PRCP: variants seen among roughly 807,000 people sequenced by gnomAD.
PRCP encodes prolylcarboxypeptidase, also known as lysosomal Pro-X carboxypeptidase.
A neutral mutation model predicts 54.2 loss-of-function variants in PRCP; 46 were observed. That is an observed-to-expected ratio of 0.85 (90% CI 0.67 to 1.09). PRCP has a LOEUF of 1.09. Among genes scored for constraint, PRCP ranks in the 50% least tolerant of loss-of-function variants. The pLI is 0.00. For missense variants in PRCP, 613 were observed against 596.8 expected (o/e 1.03, Z -0.28); for synonymous variants, 240 against 212.2 (o/e 1.13, Z -1.14).
At chr11:82,847,950 T>A (rs1241998346) in intron 6 of PRCP, among the ~76,000 whole-genome samples, 1 of 152,226 alleles carries the variant, frequency 6.6e-6, no homozygotes, top group African/African-American at 2.4e-5. Flanking sequence ...CAACTTTGTA[T>A]TGTTGAAATT....
chr11:82,875,822 G>A (rs111504788), intron 1 of PRCP, among the ~76,000 whole-genome samples: 2,096 of 152,264 alleles, frequency 0.014, 46 homozygotes, highest in African/African-American at 0.047. Context: ...AAGAGAAGCT[G>A]ATAATGTCTG....
In PRCP at chr11:82,894,061, T is replaced by G. The variant is rs966868718; in HGVS notation, c.168+6174A>C. 9.9e-5 allele frequency among the ~76,000 whole-genome samples: 15 copies of G among 152,268 alleles called. No individual in the cohort carries two copies. In the South Asian group the frequency reaches 1.5e-3, roughly 15 times the overall value. ...GTCAATTTTTTCAATTCATAATATC[T>G]TTATTAAGAAGTACCATATCCTGTC... On this transcript the variant is annotated intron_variant, in intron 1 of 8. Transcript: ENST00000313010.
In PRCP at chr11:82,853,169, A is replaced by G. The variant is rs1378638297; in HGVS notation, c.411+8T>C. ...AGCTTGTAACTTTTAAGTAAAAAGTATCTTTACCTTGAATGAGTTGTCACC... is the reference window on the plus strand; with the variant it reads ...AGCTTGTAACTTTTAAGTAAAAAGTGTCTTTACCTTGAATGAGTTGTCACC... On this transcript the variant is annotated splice_region_variant and intron_variant, in intron 3 of 8. Coordinates refer to ENST00000313010, the MANE Select transcript of PRCP (RefSeq NM_005040.4). 4.5e-6 allele frequency: 7 copies of G among 1,571,328 alleles called. No individual in the cohort carries two copies. In the African/African-American group the frequency reaches 5.5e-5, roughly 12 times the overall value.
chr11:82,836,276 G>A (rs2121085723), intron 8 of PRCP: 1 of 152,754 alleles, frequency 6.5e-6, no homozygotes, highest in East Asian at 1.9e-4. Flanking sequence ...TCAGCAATCA[G>A]ATAGGCCCTG....
chr11:82,825,196 C>A (rs1158733378), intron 8 of PRCP, 74 bp from the exon 9 acceptor site: 6 of 1,352,532 alleles, frequency 4.4e-6, no homozygotes, highest in Non-Finnish European at 6.1e-6. Context: ...CTAGAAGAAA[C>A]CTATTACATG....
chr11:82,831,401 A>G (rs1366509481), intron 8 of PRCP: 1 of 152,236 alleles, frequency 6.6e-6, no homozygotes, highest in Admixed American at 6.5e-5. Flanking sequence ...CTCCACAGTC[A>G]ACAAAACAGA....
At chr11:82,900,521 G>A (rs925921517), upstream of PRCP, 102 of 1,382,428 alleles carry the variant, frequency 7.4e-5, no homozygotes, top group Non-Finnish European at 1.0e-4. Context: ...CCTCCCAGGG[G>A]AAACCCAAAG....
intron 1 of PRCP, among the ~76,000 whole-genome samples, chr11:82,882,723 C>T (rs192918981): frequency 0.13 from 19,725 of 148,044 alleles, 1,521 homozygotes; most frequent in Middle Eastern, 0.19. Context: ...TCTCGATCTC[C>T]TGACCTCGTG....
At chr11:82,835,769 G>T (rs1431722941) in intron 8 of PRCP, 12 of 430,624 alleles carry the variant, frequency 2.8e-5, no homozygotes, top group Non-Finnish European at 5.5e-5. Flanking sequence ...TGATAAAGCT[G>T]AAGAAGTTGT....
chr11:82,870,602 TAA>T (rs1458245012), intron 1 of PRCP, among the ~76,000 whole-genome samples: 3 of 152,178 alleles, frequency 2.0e-5, no homozygotes, highest in African/African-American at 7.2e-5. Flanking sequence ...AGTAATCTAT[TAA>T]AAGAGATAGT....
intron 8 of PRCP, among the ~76,000 whole-genome samples, chr11:82,837,427 C>T (rs1858554543): frequency 6.6e-6 from 1 of 152,188 alleles, no homozygotes; most frequent in African/African-American, 2.4e-5. Flanking sequence ...TAACAACTGT[C>T]AGAGAAATGC....
At chr11:82,844,563 C>G (rs764094081) in intron 6 of PRCP, among the ~76,000 whole-genome samples, 12 of 151,608 alleles carry the variant, frequency 7.9e-5, no homozygotes, top group Non-Finnish European at 1.5e-4. Context: ...ATGGTGAAAC[C>G]CCGTCTCTAC....
intron 8 of PRCP, among the ~76,000 whole-genome samples, chr11:82,834,026 C>A (rs1384616580): frequency 1.3e-5 from 2 of 152,058 alleles, no homozygotes; most frequent in African/African-American, 4.8e-5. Flanking sequence ...CATAAAAAAG[C>A]AAATGGATAA....
Position 82,900,350 on chromosome 11 carries a change from G to T in PRCP, c.53C>A (p.Ala18Asp). ...LLLLSFLAPW[A>D]TIALRPALRA... ...TAAGGCCGGCCGGAGGGCTATGGTG[G>T]CCCAGGGCGCCAGAAAAGACAGAAG... The change falls in exon 1 of 9, where the codon GCC (alanine) becomes GAC (aspartate). Residue 18 changes from alanine to aspartate, a missense_variant. Coordinates refer to ENST00000313010, the MANE Select transcript of PRCP (RefSeq NM_005040.4). 6.2e-7 allele frequency: 1 copy of T among 1,614,104 alleles called. No individual in the cohort carries two copies. The highest frequency in any genetic ancestry group is 2.2e-5 in the East Asian group (1 of 44,896).
rs552145087 is a variant in PRCP, at chr11:82,849,530, T to G, written c.752-312A>C. Reference sequence around the variant, plus strand: ...ACAAATGGATGTATCTATCAAACAGTGCTAAGCAAAAGACAGTAGACACAA... The same window carrying G: ...ACAAATGGATGTATCTATCAAACAGGGCTAAGCAAAAGACAGTAGACACAA... On this transcript the variant is annotated intron_variant, in intron 5 of 8. Transcript: ENST00000313010. 3.3e-5 allele frequency among the ~76,000 whole-genome samples: 5 copies of G among 152,220 alleles called. No individual in the cohort carries two copies. In the South Asian group the frequency reaches 1.0e-3, roughly 32 times the overall value.
chr11:82,844,458 CGG>C (rs1366578957), intron 6 of PRCP, among the ~76,000 whole-genome samples: 1 of 151,106 alleles, frequency 6.6e-6, no homozygotes, highest in Non-Finnish European at 1.5e-5. Flanking sequence ...AGAAAGAGGC[CGG>C]GCGCGGTGGC....
intron 1 of PRCP, among the ~76,000 whole-genome samples, chr11:82,869,045 A>G (rs529618671): frequency 4.1e-4 from 62 of 151,956 alleles, no homozygotes; most frequent in Non-Finnish European, 7.9e-4. Context: ...CAAAAAATAA[A>G]TAAATAAATA....
chr11:82,883,119 G>T (rs1322423104), intron 1 of PRCP, among the ~76,000 whole-genome samples: 1 of 152,204 alleles, frequency 6.6e-6, no homozygotes, highest in Non-Finnish European at 1.5e-5. Context: ...GATGGGTGGA[G>T]TCCTAGCACT....
At chr11:82,879,923 G>C (rs1339114795) in intron 1 of PRCP, among the ~76,000 whole-genome samples, 3 of 152,208 alleles carry the variant, frequency 2.0e-5, no homozygotes, top group Non-Finnish European at 4.4e-5. Flanking sequence ...GCACCCAGTT[G>C]TATGAGATGT....
Sources: gnomAD v4.1 joint callset for allele counts (sites outside exome capture counted in the v4.1 genomes callset) on GRCh38, gnomAD v4.1.1 for gene constraint, MANE v1.5 for transcripts, NCBI Gene and HGNC (gene_info 2026-07-23, HGNC 2026-07-21) for gene names.